CACNA2D3: variants seen among roughly 807,000 people sequenced by gnomAD.
CACNA2D3 encodes the protein voltage-dependent calcium channel subunit alpha-2/delta-3.
CACNA2D3 carries 60 observed loss-of-function variants against 160.6 expected under a neutral mutation model. The observed-to-expected ratio is 0.37, with a 90% CI of 0.30 to 0.46. The LOEUF is 0.46. Ranked by LOEUF, CACNA2D3 falls within the 20% of genes least tolerant of loss-of-function variation. The pLI is 1.00. For synonymous variants in CACNA2D3, 558 were observed against 492.9 expected (o/e 1.13, Z -1.75); for missense variants, 1,205 against 1,365.0 (o/e 0.88, Z 1.85).
intron 4 of CACNA2D3, among the ~76,000 whole-genome samples, chr3:54,475,863 A>G (rs1306839511): frequency 3.8e-5 from 3 of 78,336 alleles, no homozygotes; most frequent in Non-Finnish European, 5.3e-5. Flanking sequence ...AACACTGAAG[A>G]TCTACTCTCA....
At chr3:54,317,205 T>C (rs951681020) in intron 2 of CACNA2D3, among the ~76,000 whole-genome samples, 3 of 152,172 alleles carry the variant, frequency 2.0e-5, no homozygotes, top group South Asian at 4.1e-4. Context: ...GTGATGGTCA[T>C]TGAAGTTTTA....
intron 13 of CACNA2D3, among the ~76,000 whole-genome samples, chr3:54,803,231 G>A (rs1043643361): frequency 1.3e-5 from 2 of 152,206 alleles, no homozygotes; most frequent in African/African-American, 2.4e-5. Context: ...ACGAGTTGAG[G>A]GAAGAAGGCT....
At chr3:54,856,162 CAAAT>C (rs1236702778) in intron 17 of CACNA2D3, among the ~76,000 whole-genome samples, 1 of 152,156 alleles carries the variant, frequency 6.6e-6, no homozygotes, top group African/African-American at 2.4e-5. Context: ...GGTGGAATGA[CAAAT>C]AAATGACGAG....
intron 5 of CACNA2D3, among the ~76,000 whole-genome samples, chr3:54,509,435 G>A (rs1701424073): frequency 6.6e-6 from 1 of 152,078 alleles, no homozygotes; most frequent in Non-Finnish European, 1.5e-5. Context: ...TAAAGCATTT[G>A]GATTAGGCTC....
intron 11 of CACNA2D3, among the ~76,000 whole-genome samples, chr3:54,710,541 A>G (rs750119387): frequency 1.1e-4 from 17 of 152,172 alleles, no homozygotes; most frequent in Non-Finnish European, 1.8e-4. Flanking sequence ...AAGTGGGTAT[A>G]TCATTTCTGT....
intron 2 of CACNA2D3, among the ~76,000 whole-genome samples, chr3:54,308,680 T>C (rs1021762131): frequency 6.6e-6 from 1 of 152,202 alleles, no homozygotes; most frequent in African/African-American, 2.4e-5. Flanking sequence ...CAGTGTAACT[T>C]TGGATAAGTT....
intron 11 of CACNA2D3, among the ~76,000 whole-genome samples, chr3:54,683,608 GA>G (rs1700393180): frequency 6.6e-6 from 1 of 152,278 alleles, no homozygotes; most frequent in East Asian, 1.9e-4. Flanking sequence ...TTGGTGCAGG[GA>G]AAGCGACCCT....
At chr3:54,851,826 G>A (rs1286379637) in intron 17 of CACNA2D3, among the ~76,000 whole-genome samples, 1 of 152,182 alleles carries the variant, frequency 6.6e-6, no homozygotes, top group African/African-American at 2.4e-5. Context: ...CATTATTAAT[G>A]TGATATTTTA....
At chr3:54,151,102 G>C (rs901296521) in intron 2 of CACNA2D3, among the ~76,000 whole-genome samples, 1 of 151,868 alleles carries the variant, frequency 6.6e-6, no homozygotes, top group African/African-American at 2.4e-5. Flanking sequence ...TGCATTAATG[G>C]GTGGATGGGT....
At chr3:54,731,657 C>T (rs1701389018) in intron 11 of CACNA2D3, among the ~76,000 whole-genome samples, 1 of 152,148 alleles carries the variant, frequency 6.6e-6, no homozygotes, top group East Asian at 1.9e-4. Context: ...TCTGTCTTTA[C>T]TGGGGCAGAG....
intron 4 of CACNA2D3, among the ~76,000 whole-genome samples, chr3:54,487,351 G>A (rs755700308): frequency 5.9e-5 from 9 of 152,156 alleles, no homozygotes; most frequent in Non-Finnish European, 1.2e-4. Context: ...TTGGGTGACA[G>A]AGCAAGACCC....
intron 12 of CACNA2D3, among the ~76,000 whole-genome samples, chr3:54,754,674 G>A (rs1701938749): frequency 6.6e-6 from 1 of 152,110 alleles, no homozygotes; most frequent in African/African-American, 2.4e-5. Flanking sequence ...AAGGAAGGTA[G>A]GTCCTGTTGC....
intron 11 of CACNA2D3, among the ~76,000 whole-genome samples, chr3:54,729,872 G>A (rs559405394): frequency 1.3e-4 from 19 of 151,814 alleles, no homozygotes; most frequent in Middle Eastern, 3.4e-3. Flanking sequence ...GATGGCAGGC[G>A]CCTGTAGTCC....
chr3:55,046,088 C>CT (rs201416523), intron 35 of CACNA2D3, among the ~76,000 whole-genome samples: 15 of 148,046 alleles, frequency 1.0e-4, no homozygotes, highest in East Asian at 7.9e-4. Context: ...TTATGTTACA[C>CT]TTTTTTTTTT....
chr3:54,752,348 T>G (rs1701874042), intron 11 of CACNA2D3, among the ~76,000 whole-genome samples: 1 of 152,170 alleles, frequency 6.6e-6, no homozygotes. Flanking sequence ...CCATTCCCAG[T>G]TATTCTCTTC....
At chr3:54,618,394 C>T (rs1170125261) in intron 9 of CACNA2D3, among the ~76,000 whole-genome samples, 1 of 148,950 alleles carries the variant, frequency 6.7e-6, no homozygotes, top group Non-Finnish European at 1.5e-5. Flanking sequence ...CACACACACA[C>T]ACACACACAC....
At chr3:54,796,348 C>T (rs1388162997) in intron 13 of CACNA2D3, among the ~76,000 whole-genome samples, 2 of 152,082 alleles carry the variant, frequency 1.3e-5, no homozygotes, top group African/African-American at 4.8e-5. Flanking sequence ...TGCATAGATC[C>T]CTTAGCACCT....
At chr3:54,746,323 CT>C (rs1268145397) in intron 11 of CACNA2D3, among the ~76,000 whole-genome samples, 1 of 152,152 alleles carries the variant, frequency 6.6e-6, no homozygotes, top group Non-Finnish European at 1.5e-5. Flanking sequence ...TTAGTAATAT[CT>C]TTTGTGAAGA....
chr3:54,455,961 T>G (rs1700390300), intron 4 of CACNA2D3, among the ~76,000 whole-genome samples: 2 of 152,164 alleles, frequency 1.3e-5, no homozygotes, highest in Admixed American at 1.3e-4. Context: ...AGTACTATGT[T>G]ATATTTTGAA....
Sources: gnomAD v4.1 joint callset for allele counts (sites outside exome capture counted in the v4.1 genomes callset) on GRCh38, gnomAD v4.1.1 for gene constraint, MANE v1.5 for transcripts, NCBI Gene and HGNC (gene_info 2026-07-23, HGNC 2026-07-21) for gene names.